The following SLIT3 variants were observed in gnomAD, a reference collection of about 807,000 sequenced individuals.
The protein encoded by SLIT3 is slit guidance ligand 3.
In SLIT3, 68 loss-of-function variants were observed where a neutral mutation model predicts 184.0. The ratio of observed to expected loss-of-function variants is 0.37; its 90% CI spans 0.30 to 0.45. The LOEUF (loss-of-function observed/expected upper bound fraction) is 0.45, where lower values mean the gene tolerates loss of function less well. Ranked by LOEUF, SLIT3 falls within the 20% of genes least tolerant of loss-of-function variation. SLIT3 has a pLI of 1.00. For missense variants in SLIT3, 1,707 were observed against 2,026.0 expected (o/e 0.84, Z 3.02); for synonymous variants, 831 against 828.6 (o/e 1.00, Z -0.05).
At chr5:169,241,252 C>A (rs994992441) in intron 3 of SLIT3, among the ~76,000 whole-genome samples, 2 of 152,134 alleles carry the variant, frequency 1.3e-5, no homozygotes, top group Non-Finnish European at 2.9e-5. Context: ...CAAAGTACTT[C>A]GTAGGTGATA....
chr5:168,754,685 C>T (rs1754834390), intron 16 of SLIT3, among the ~76,000 whole-genome samples: 1 of 152,150 alleles, frequency 6.6e-6, no homozygotes, highest in African/African-American at 2.4e-5. Context: ...TCCTAAATAT[C>T]CTGTTTGATC....
chr5:168,696,258 C>CTGAG (rs1762061543), intron 28 of SLIT3, 34 bp downstream of exon 28: 1 of 1,612,972 alleles, frequency 6.2e-7, no homozygotes, highest in South Asian at 1.1e-5. Context: ...GACACCCCTC[C>CTGAG]ACCCCACCAT....
At chr5:169,127,331 G>A (rs1309638877) in intron 4 of SLIT3, among the ~76,000 whole-genome samples, 1 of 152,176 alleles carries the variant, frequency 6.6e-6, no homozygotes, top group East Asian at 1.9e-4. Flanking sequence ...AAATCCCAGT[G>A]CTTCCCAATT....
intron 4 of SLIT3, chr5:169,018,702 A>C (rs1561610810): frequency 1.3e-5 from 2 of 152,146 alleles, no homozygotes; most frequent in African/African-American, 2.4e-5. Flanking sequence ...CACTGTATTG[A>C]TTTGCTCTTC....
chr5:168,813,410 C>G (rs1181520780), intron 8 of SLIT3, among the ~76,000 whole-genome samples: 1 of 151,918 alleles, frequency 6.6e-6, no homozygotes, highest in Non-Finnish European at 1.5e-5. Flanking sequence ...TGGTCGGGTT[C>G]AGGCCACAAG....
chr5:169,270,769 C>A (rs186056764), intron 1 of SLIT3, among the ~76,000 whole-genome samples: 2 of 152,348 alleles, frequency 1.3e-5, no homozygotes, highest in Admixed American at 6.5e-5. Context: ...TGGGTTCTCA[C>A]TCTGCATCAG....
chr5:168,681,838 C>T (rs955018381), intron 32 of SLIT3, among the ~76,000 whole-genome samples: 1 of 152,216 alleles, frequency 6.6e-6, no homozygotes, highest in Non-Finnish European at 1.5e-5. Flanking sequence ...ACCTTCTGTC[C>T]TTGACATGTC....
chr5:168,768,282 G>A, intron 14 of SLIT3: 1 of 486,130 alleles, frequency 2.1e-6, no homozygotes, highest in Middle Eastern at 3.2e-4. Context: ...AGCAGCGTCA[G>A]AGAGAGGACA....
intron 1 of SLIT3, among the ~76,000 whole-genome samples, chr5:169,266,534 A>G (rs1195193010): frequency 1.3e-5 from 2 of 152,154 alleles, no homozygotes; most frequent in Non-Finnish European, 1.5e-5. Flanking sequence ...TGTGTCATAA[A>G]TGGAGGGGTC....
chr5:169,299,903 C>G (rs539974963), intron 1 of SLIT3, among the ~76,000 whole-genome samples: 3 of 152,284 alleles, frequency 2.0e-5, no homozygotes, highest in African/African-American at 7.2e-5. Flanking sequence ...AAAAAATTCA[C>G]CCGGGGCTGC....
intron 4 of SLIT3, among the ~76,000 whole-genome samples, chr5:169,090,773 T>G (rs1759553638): frequency 1.3e-5 from 2 of 152,200 alleles, no homozygotes; most frequent in Admixed American, 1.3e-4. Context: ...AGCCAAGGAA[T>G]GCTGGCAGCT....
intron 4 of SLIT3, among the ~76,000 whole-genome samples, chr5:169,146,458 T>G (rs908382344): frequency 2.0e-5 from 3 of 152,200 alleles, no homozygotes; most frequent in Non-Finnish European, 4.4e-5. Flanking sequence ...CTTTCATCAC[T>G]TCATTTCCCC....
chr5:169,246,477 TAA>T (rs1765595124), intron 2 of SLIT3, among the ~76,000 whole-genome samples: 1 of 152,198 alleles, frequency 6.6e-6, no homozygotes, highest in Admixed American at 6.5e-5. Flanking sequence ...GCTGATGATA[TAA>T]GAGTGGGTTA....
chr5:168,749,561 A>G lies in SLIT3; in HGVS notation c.2048T>C (p.Ile683Thr), dbSNP rs771851481. 1 of 1,614,126 alleles carries G rather than the reference A, an allele frequency of 6.2e-7. No homozygotes were observed. Among genetic ancestry groups the G allele is most frequent in the South Asian group, 1.1e-5 (1 of 91,082 alleles). The change falls in exon 19 of 36, where the codon ATC (isoleucine) becomes ACC (threonine). Residue 683 changes from isoleucine to threonine, a missense_variant. By Grantham distance (89) the Ile-to-Thr change is moderately conservative. Transcript: ENST00000519560. ...WLGKWLRKRR[I>T]VSGNPRCQKP... ...CTGGCACCTAGGGTTCCCACTGACG[A>G]TCCGCCTCTTCCTCAACCACTTGCC...
chr5:168,687,210 A>G (rs1761774632), intron 29 of SLIT3, 94 bp from the exon 30 acceptor site: 11 of 1,382,710 alleles, frequency 8.0e-6, no homozygotes, highest in Admixed American at 1.9e-5. Flanking sequence ...GCCTCTCCCC[A>G]TCTCTTCTAT....
intron 4 of SLIT3, among the ~76,000 whole-genome samples, chr5:169,190,133 G>T (rs1301153526): frequency 2.6e-5 from 4 of 152,172 alleles, no homozygotes; most frequent in Non-Finnish European, 5.9e-5. Context: ...TAGCAACATT[G>T]ATTGGCTGGG....
intron 12 of SLIT3, among the ~76,000 whole-genome samples, chr5:168,778,332 T>A (rs1755834322): frequency 6.6e-6 from 1 of 152,230 alleles, no homozygotes; most frequent in Admixed American, 6.5e-5. Context: ...CTCCAGCCTG[T>A]TTCACTCCAA....
intron 4 of SLIT3, among the ~76,000 whole-genome samples, chr5:169,018,190 C>T (rs1041136634): frequency 1.3e-5 from 2 of 152,192 alleles, no homozygotes; most frequent in South Asian, 2.1e-4. Flanking sequence ...GACGGGGATG[C>T]CCCCAAACCC....
In SLIT3 at chr5:168,753,968, T is replaced by C. The variant is rs1243867711; in HGVS notation, c.1725A>G (p.Gly575=). The change falls in exon 17 of 36, where the codon GGA becomes GGG. Residue 575 remains glycine (G), a synonymous_variant. Coordinates refer to ENST00000519560, the MANE Select transcript of SLIT3 (RefSeq NM_003062.4). ...SNNKIKEVRE[G]AFDGAASVQE... Reference sequence around the variant, plus strand: ...GCACGCTGGCTGCTCCATCGAAAGCTCCCTCTCGCACCTCCTTGATCTTAT... The same window carrying C: ...GCACGCTGGCTGCTCCATCGAAAGCCCCCTCTCGCACCTCCTTGATCTTAT... 6.2e-7 allele frequency: 1 copy of C among 1,608,624 alleles called. No individual in the cohort carries two copies. Among genetic ancestry groups the C allele is most frequent in the East Asian group, 2.2e-5 (1 of 44,770 alleles).
Sources: gnomAD v4.1 joint callset for allele counts (sites outside exome capture counted in the v4.1 genomes callset) on GRCh38, gnomAD v4.1.1 for gene constraint, MANE v1.5 for transcripts, NCBI Gene and HGNC (gene_info 2026-07-23, HGNC 2026-07-21) for gene names.